The following PEMT variants were observed in gnomAD, a reference collection of about 807,000 sequenced individuals.
PEMT encodes phospholipid methyltransferase.
A neutral mutation model predicts 27.4 loss-of-function variants in PEMT; 23 were observed. The observed-to-expected ratio is 0.84, with a 90% CI of 0.60 to 1.19. The LOEUF is 1.19. PEMT is among the 50% of genes most tolerant of loss of function. PEMT has a pLI of 0.00. For synonymous variants in PEMT, 137 were observed against 139.1 expected, an observed-to-expected ratio of 0.98 and a Z score of 0.11; for missense variants, 307 against 310.1, an observed-to-expected ratio of 0.99 and a Z score of 0.07.
intron 2 of PEMT, among the ~76,000 whole-genome samples, chr17:17,534,163 C>T (rs879090498): frequency 6.6e-6 from 1 of 152,154 alleles, no homozygotes; most frequent in Admixed American, 6.5e-5. Flanking sequence ...AGTAGCTTTA[C>T]TTGTAATAGT....
At chr17:17,531,443 C>T (rs1178144613) in intron 2 of PEMT, among the ~76,000 whole-genome samples, 1 of 151,016 alleles carries the variant, frequency 6.6e-6, no homozygotes, top group Non-Finnish European at 1.5e-5. Flanking sequence ...ATGGAAACCA[C>T]AAATAGATGG....
In PEMT at chr17:17,561,807, G is replaced by C. The variant is rs1325471988; in HGVS notation, c.204+15113C>G. 6.6e-6 allele frequency among the ~76,000 whole-genome samples: 1 copy of C among 152,244 alleles called. No homozygotes were observed. The highest frequency in any genetic ancestry group is 1.5e-5 in the Non-Finnish European group (1 of 68,040). ...AGACTCCAGTGGGCTCAAGGACATG[G>C]GGGTACCACTTCCACGTGGCTACCT... On this transcript the variant is annotated intron_variant, in intron 2 of 6. Transcript: ENST00000255389. The surrounding 1 kb of genome is among the most constrained non-coding windows in gnomAD (Gnocchi z 4.5).
intron 2 of PEMT, among the ~76,000 whole-genome samples, chr17:17,527,493 C>T (rs1907758568): frequency 6.6e-6 from 1 of 152,250 alleles, no homozygotes; most frequent in Non-Finnish European, 1.5e-5. Flanking sequence ...CTACTTGCAG[C>T]TTGGAGCTTG....
intron 2 of PEMT, among the ~76,000 whole-genome samples, chr17:17,531,926 G>C (rs539806176): frequency 6.6e-6 from 1 of 152,232 alleles, no homozygotes; most frequent in East Asian, 1.9e-4. Context: ...ATTCTTGATA[G>C]AATGAAAGGA....
intron 1 of PEMT, 163 bp downstream of exon 1, chr17:17,591,368 G>T (rs1912577329): frequency 3.2e-6 from 2 of 621,620 alleles, no homozygotes; most frequent in African/African-American, 1.9e-5. Context: ...GACACCAGCC[G>T]GCGCTCCCGC....
intron 1 of PEMT, 61 bp downstream of exon 1, chr17:17,591,470 C>A (rs1039106704): frequency 1.5e-6 from 2 of 1,368,986 alleles, no homozygotes; most frequent in Non-Finnish European, 1.0e-6. Flanking sequence ...CAAGCCTTCA[C>A]GCCCCTCGGG....
At chr17:17,591,910 C>A, upstream of PEMT, 1 of 985,468 alleles carries the variant, frequency 1.0e-6, no homozygotes, top group Non-Finnish European at 1.2e-6. Context: ...CCCTTGGATC[C>A]GGCCTCCCGC....
At chr17:17,519,251 TG>T (rs886154712) in intron 3 of PEMT, among the ~76,000 whole-genome samples, 4 of 150,840 alleles carry the variant, frequency 2.7e-5, no homozygotes, top group African/African-American at 9.8e-5. Context: ...GGAAGAACAG[TG>T]GGGGAGAGAG....
At chr17:17,576,827 G>C in intron 2 of PEMT, 93 bp downstream of exon 2, 1 of 996,004 alleles carries the variant, frequency 1.0e-6, no homozygotes, top group Non-Finnish European at 1.6e-6. Context: ...TGTCTGTCTG[G>C]CCAGCCAGCA....
chr17:17,530,409 C>G (rs1908005065), intron 2 of PEMT, among the ~76,000 whole-genome samples: 1 of 152,052 alleles, frequency 6.6e-6, no homozygotes, highest in African/African-American at 2.4e-5. Flanking sequence ...GTGGGAGAAT[C>G]CCTTGAACCC....
At chr17:17,591,425 AC>A in intron 1 of PEMT, 105 bp downstream of exon 1, 1 of 944,826 alleles carries the variant, frequency 1.1e-6, no homozygotes, top group Admixed American at 2.8e-5. Context: ...TTGCCTGGGA[AC>A]TGGCGGCCCC....
intron 1 of PEMT, among the ~76,000 whole-genome samples, chr17:17,584,392 C>T (rs954751532): frequency 1.3e-5 from 2 of 152,206 alleles, no homozygotes; most frequent in Non-Finnish European, 2.9e-5. Flanking sequence ...ATCTCCTGAC[C>T]TCATGATCCG....
At chr17:17,530,978 G>T (rs1908047283) in intron 2 of PEMT, among the ~76,000 whole-genome samples, 1 of 151,692 alleles carries the variant, frequency 6.6e-6, no homozygotes, top group African/African-American at 2.4e-5. Flanking sequence ...AGGAGGCGGA[G>T]GTTGCAGTGA....
chr17:17,512,803 G>A lies in PEMT; in HGVS notation c.321-149C>T. On this transcript the variant is annotated intron_variant, in intron 3 of 6. Transcript: ENST00000255389. The surrounding 1 kb of genome is among the most constrained non-coding windows in gnomAD (Gnocchi z 6.3). Reference sequence around the variant, plus strand: ...TGCCAGGCCAGGCAGGCAGCAGGTGGGGTCCAGTCCACCTGGGAGGTGGGT... The same window carrying A: ...TGCCAGGCCAGGCAGGCAGCAGGTGAGGTCCAGTCCACCTGGGAGGTGGGT... 1.6e-6 allele frequency: 1 copy of A among 607,746 alleles called. No homozygotes were observed. 37.6% of individuals were successfully genotyped at this position (607,746 alleles called of 1,614,324 possible). A position where few individuals can be genotyped will look rare whatever the true frequency, so the allele number is the denominator to read the frequency against.
chr17:17,515,713 C>T (rs1906775214), intron 3 of PEMT, among the ~76,000 whole-genome samples: 1 of 152,168 alleles, frequency 6.6e-6, no homozygotes, highest in African/African-American at 2.4e-5. Context: ...GTCCATTCCA[C>T]AGGGAAAATT....
At chr17:17,560,706 C>T (rs1053897629) in intron 2 of PEMT, among the ~76,000 whole-genome samples, 5 of 152,140 alleles carry the variant, frequency 3.3e-5, no homozygotes, top group African/African-American at 1.2e-4. Flanking sequence ...CAAGGAGCAG[C>T]ATGGTGACCG....
intron 2 of PEMT, among the ~76,000 whole-genome samples, chr17:17,567,690 A>G (rs1331612416): frequency 1.3e-5 from 2 of 152,202 alleles, no homozygotes; most frequent in African/African-American, 4.8e-5. Flanking sequence ...GGAGCGGGGG[A>G]GAGCTAGGAG....
chr17:17,568,059 CT>C (rs1456838901), intron 2 of PEMT, among the ~76,000 whole-genome samples: 21 of 151,778 alleles, frequency 1.4e-4, no homozygotes, highest in African/African-American at 3.9e-4. Flanking sequence ...ACTCACACAC[CT>C]ACACACACAC....
At chr17:17,555,321 G>A (rs4646375) in intron 2 of PEMT, among the ~76,000 whole-genome samples, 3,536 of 152,238 alleles carry the variant, frequency 0.023, 124 homozygotes, top group East Asian at 0.1. Flanking sequence ...TTTCTGCTAC[G>A]GCCAGAGCAC....
Sources: allele counts gnomAD v4.1 joint callset (sites outside exome capture counted in the v4.1 genomes callset), GRCh38; gene constraint gnomAD v4.1.1; non-coding constraint Gnocchi (gnomAD v3.1); transcripts MANE v1.5; gene names NCBI Gene and HGNC (gene_info 2026-07-23, HGNC 2026-07-21).